EEF1A1: variants seen among roughly 807,000 people sequenced by gnomAD.
EEF1A1 encodes eukaryotic translation elongation factor 1 alpha 1.
Under a neutral mutation model 38.5 loss-of-function variants are expected in EEF1A1, and 1 was observed. The observed-to-expected ratio is 0.03, with a 90% confidence interval of 0.01 to 0.12. The LOEUF (loss-of-function observed/expected upper bound fraction) is 0.12. Among genes scored for constraint, EEF1A1 ranks in the 10% least tolerant of loss-of-function variants. The pLI, the probability that EEF1A1 is intolerant of heterozygous loss-of-function variation, is 1.00. For synonymous variants in EEF1A1, 229 were observed against 203.7 expected (o/e 1.12, Z -1.06); for missense variants, 184 against 588.3 (o/e 0.31, Z 7.11).
rs11550794 is a variant in EEF1A1 at position 73,519,415 on chromosome 6, G to A, written c.246C>T (p.Thr82=). 18 of 1,608,296 alleles carry A rather than the reference G, an allele frequency of 1.1e-5. No homozygotes were observed. The highest frequency in any genetic ancestry group is 1.5e-5 in the Non-Finnish European group (18 of 1,179,720). ...TIDISLWKFE[T]SKYYVTIIDA... ...CAATGATAGTCACATAGTACTTGCTGGTCTCAAATTTCCACAAGGAGATAT... is the reference window on the plus strand; with the variant it reads ...CAATGATAGTCACATAGTACTTGCTAGTCTCAAATTTCCACAAGGAGATAT... Residue 82 remains threonine, a synonymous_variant, in exon 3 of 8, where the codon ACC becomes ACT. Transcript: ENST00000309268.
intron 1 of EEF1A1, 120 bp from the exon 2 acceptor site, chr6:73,520,176 C>T: frequency 1.1e-6 from 1 of 891,924 alleles, no homozygotes; most frequent in Non-Finnish European, 1.7e-6. Flanking sequence ...GGCCTAACTT[C>T]AGTCTCCACC....
At position 73,518,735 on chromosome 6, in the gene EEF1A1, G is replaced by A. The variant is rs367732942; in HGVS notation, c.735C>T (p.Pro245=). 7.2e-5 allele frequency: 116 copies of A among 1,614,198 alleles called. No individual in the cohort carries two copies. The highest frequency in any genetic ancestry group is 9.7e-5 in the Non-Finnish European group (114 of 1,180,040). Residue 245 remains proline (P), a synonymous_variant, in exon 5 of 8, where the codon CCC becomes CCT. Transcript: ENST00000309268. The stretch of plus-strand genomic sequence containing the variant: ...AGACATCCTGGAGAGGCAGGCGCAA[G>A]GGCTTGTCAGTTGGACGAGTTGGTG... The part of the protein sequence containing the change: ...ILPPTRPTDK[P]LRLPLQDVYK...
rs997736746 is a variant in EEF1A1, at chr6:73,521,007, C to A, written c.-38G>T. On this transcript the variant is annotated 5_prime_UTR_variant, in exon 1 of 8. Transcript: ENST00000309268. ...ACCACACACGGCACTTACCTGTGTT[C>A]TGGCGGCAAACCCGTTGCGAAAAAG... The A allele has an allele frequency of 3.9e-5, 6 of 153,292 alleles. No homozygotes were observed. The highest frequency in any genetic ancestry group is 1.9e-4 in the East Asian group (1 of 5,216). 9.5% of individuals were successfully genotyped at this position (153,292 alleles called of 1,614,324 possible). A position where few individuals can be genotyped will look rare whatever the true frequency, so the allele number is the denominator to read the frequency against.
rs1300746488 is a variant in EEF1A1, at chr6:73,516,083, A to C, written c.*1727T>G. 1 of 152,242 alleles carries C rather than the reference A, an allele frequency of 6.6e-6. No homozygotes were observed. The highest frequency in any genetic ancestry group is 1.9e-4 in the East Asian group (1 of 5,206). 9.4% of individuals were successfully genotyped at this position (152,242 alleles called of 1,614,324 possible). On this transcript the variant is annotated 3_prime_UTR_variant, in exon 8 of 8. Coordinates refer to ENST00000309268, the MANE Select transcript of EEF1A1 (RefSeq NM_001402.6). Reference sequence around the variant, plus strand: ...TTTACTTGTGTAAACATTAGATAGCAAAGAAACTAAGGACAAAAATCTCTA... The same window carrying C: ...TTTACTTGTGTAAACATTAGATAGCCAAGAAACTAAGGACAAAAATCTCTA...
At chr6:73,520,859 G>T (rs1229999742) in intron 1 of EEF1A1, 141 bp downstream of exon 1, 1 of 152,534 alleles carries the variant, frequency 6.6e-6, no homozygotes, top group Non-Finnish European at 1.5e-5. Flanking sequence ...GCAAGGCCTC[G>T]AACTCTCCCA....
rs745637124 is a variant in EEF1A1 at position 73,517,803 on chromosome 6, A to G, written c.*7T>C. The G allele has an allele frequency of 3.4e-5, 50 of 1,486,018 alleles. No individual in the cohort carries two copies. In the African/African-American group the frequency reaches 5.6e-4, roughly 17 times the overall value. The allele number at this position is 1,486,018 out of a possible 1,614,324, so 92.1% of individuals were successfully genotyped here. ...AAGAGTGGGGTGGCAGGTATTAGGGATAATATTCATTTAGCCTTCTGAGCT... is the reference window on the plus strand; with the variant it reads ...AAGAGTGGGGTGGCAGGTATTAGGGGTAATATTCATTTAGCCTTCTGAGCT... On this transcript the variant is annotated 3_prime_UTR_variant, in exon 8 of 8. Coordinates refer to ENST00000309268, the MANE Select transcript of EEF1A1 (RefSeq NM_001402.6).
chr6:73,519,652 G>A (rs1208878363), intron 2 of EEF1A1, 136 bp from the exon 3 acceptor site: 125 of 1,201,712 alleles, frequency 1.0e-4, no homozygotes, highest in Non-Finnish European at 1.4e-4. Flanking sequence ...TTGGGTTACA[G>A]AAGCAACCAA....
Position 73,518,362 on chromosome 6 carries a change from T to C in EEF1A1, c.1021A>G (p.Thr341Ala). 6.2e-7 allele frequency: 1 copy of C among 1,613,906 alleles called. No individual in the cohort carries two copies. Among genetic ancestry groups the C allele is most frequent in the Non-Finnish European group, 8.5e-7 (1 of 1,180,026 alleles). The change falls in exon 6 of 8, where the codon ACT becomes GCT. Residue 341 changes from threonine to alanine, a missense_variant. Coordinates refer to ENST00000309268, the MANE Select transcript of EEF1A1 (RefSeq NM_001402.6). ...TTACTTTAAATTGTTACCTGAGCAGTGAAGCCAGCTGCTTCCATTGGTGGG... is the reference window on the plus strand; with the variant it reads ...TTACTTTAAATTGTTACCTGAGCAGCGAAGCCAGCTGCTTCCATTGGTGGG... ...NDPPMEAAGF[T>A]AQVIILNHPG...
rs751793537 is a variant in EEF1A1, at chr6:73,516,385, C to A, written c.*1425G>T. On this transcript the variant is annotated 3_prime_UTR_variant, in exon 8 of 8. Coordinates refer to ENST00000309268, the MANE Select transcript of EEF1A1 (RefSeq NM_001402.6). ...ATTCCAGCACTTTAGGAGGCCGAGGCGATCACCTAAGGTCAGGAGTTTGAG... is the reference window on the plus strand; with the variant it reads ...ATTCCAGCACTTTAGGAGGCCGAGGAGATCACCTAAGGTCAGGAGTTTGAG... The A allele has an allele frequency of 6.6e-6, 1 of 152,016 alleles. No homozygotes were observed. Among genetic ancestry groups the A allele is most frequent in the Non-Finnish European group, 1.5e-5 (1 of 68,042 alleles). 9.4% of individuals were successfully genotyped at this position (152,016 alleles called of 1,614,324 possible).
rs773271015 is a variant in EEF1A1, at chr6:73,519,991, G to A, written c.36C>T (p.Val12=). The part of the protein sequence containing the change: ...GKEKTHINIV[V]IGHVDSGKST... ...ACTTGCCCGAATCTACGTGTCCAATGACGACAATGTTGATATGAGTCTTTT... is the reference window on the plus strand; with the variant it reads ...ACTTGCCCGAATCTACGTGTCCAATAACGACAATGTTGATATGAGTCTTTT... The change falls in exon 2 of 8, where the codon GTC becomes GTT. Residue 12 remains valine, a synonymous_variant. Coordinates refer to ENST00000309268, the MANE Select transcript of EEF1A1 (RefSeq NM_001402.6). 45 of 1,601,698 alleles carry A rather than the reference G, an allele frequency of 2.8e-5. No homozygotes were observed. The highest frequency in any genetic ancestry group is 5.0e-5 in the Admixed American group (3 of 59,926).
chr6:73,520,156 G>A lies in EEF1A1; in HGVS notation c.-30-100C>T, dbSNP rs567537060. On this transcript the variant is annotated intron_variant, in intron 1 of 7. Coordinates refer to ENST00000309268, the MANE Select transcript of EEF1A1 (RefSeq NM_001402.6). Reference sequence around the variant, plus strand: ...CAAATTCCAAGGAGAATTACATCAAGTGCCAAGCTGGCCTAACTTCAGTCT... The same window carrying A: ...CAAATTCCAAGGAGAATTACATCAAATGCCAAGCTGGCCTAACTTCAGTCT... 1.5e-4 allele frequency: 180 copies of A among 1,173,382 alleles called. 1 individual carries two copies. The highest frequency in any genetic ancestry group is 1.9e-4 in the Non-Finnish European group (166 of 852,590). The allele number at this position is 1,173,382 out of a possible 1,614,324, so 72.7% of individuals were successfully genotyped here. A position where few individuals can be genotyped will look rare whatever the true frequency, so the allele number is the denominator to read the frequency against.
Sources: gnomAD v4.1 joint callset for allele counts on GRCh38, gnomAD v4.1.1 for gene constraint, MANE v1.5 for transcripts, NCBI Gene and HGNC (gene_info 2026-07-23, HGNC 2026-07-21) for gene names.